MAPK8: variants seen among roughly 807,000 people sequenced by gnomAD.
MAPK8 encodes the protein mitogen-activated protein kinase 8.
MAPK8 carries 13 observed loss-of-function variants against 52.9 expected under a neutral mutation model. The ratio of observed to expected loss-of-function variants is 0.25; its 90% confidence interval spans 0.16 to 0.39. MAPK8 has a LOEUF of 0.39. Ranked by LOEUF, MAPK8 falls within the 10% of genes least tolerant of loss-of-function variation. MAPK8 has a pLI of 1.00. For synonymous variants in MAPK8, 191 were observed against 169.8 expected (o/e 1.12, Z -0.97); for missense variants, 300 against 519.2 (o/e 0.58, Z 4.10).
chr10:48,424,230 A>G (rs972421479), intron 7 of MAPK8, 71 bp downstream of exon 7: 1 of 1,339,180 alleles, frequency 7.5e-7, no homozygotes, highest in Admixed American at 1.8e-5. Context: ...ATGAAAATGA[A>G]TATGCTACAT....
chr10:48,353,871 G>A (rs1223575149), intron 1 of MAPK8, among the ~76,000 whole-genome samples: 1 of 152,174 alleles, frequency 6.6e-6, no homozygotes, highest in East Asian at 1.9e-4. Flanking sequence ...GATTAGGGAT[G>A]GGGTTATGGG....
intron 5 of MAPK8, among the ~76,000 whole-genome samples, chr10:48,412,942 C>T (rs1188201273): frequency 6.6e-6 from 1 of 152,086 alleles, no homozygotes; most frequent in Non-Finnish European, 1.5e-5. Context: ...GACAGTAATT[C>T]CCTATTCTCC....
intron 1 of MAPK8, among the ~76,000 whole-genome samples, chr10:48,380,250 G>A (rs2040916845): frequency 6.6e-6 from 1 of 152,044 alleles, no homozygotes; most frequent in South Asian, 2.1e-4. Context: ...TCAAAAAAAA[G>A]ACATGAGAAT....
At chr10:48,352,390 G>A (rs1378733202) in intron 1 of MAPK8, among the ~76,000 whole-genome samples, 2 of 151,448 alleles carry the variant, frequency 1.3e-5, no homozygotes, top group Non-Finnish European at 2.9e-5. Context: ...ATGTTAATCA[G>A]TATAATCCAA....
chr10:48,338,051 A>G (rs1452095463), intron 1 of MAPK8, among the ~76,000 whole-genome samples: 2 of 152,172 alleles, frequency 1.3e-5, no homozygotes, highest in Non-Finnish European at 2.9e-5. Flanking sequence ...TACTGAAACT[A>G]TTCCAAAAAA....
intron 1 of MAPK8, among the ~76,000 whole-genome samples, chr10:48,388,382 T>C (rs1195764162): frequency 6.6e-6 from 1 of 152,162 alleles, no homozygotes; most frequent in African/African-American, 2.4e-5. Context: ...ACATCACTTT[T>C]AAGATGTTAC....
chr10:48,327,554 C>G (rs1843655439), intron 1 of MAPK8, among the ~76,000 whole-genome samples: 1 of 152,134 alleles, frequency 6.6e-6, no homozygotes, highest in Non-Finnish European at 1.5e-5. Context: ...TCTTTTCTTA[C>G]CATCTCTTTG....
At position 48,438,730 on chromosome 10, in the gene MAPK8, T is replaced by C. The variant is rs567832495; in HGVS notation, c.*3701T>C. On this transcript the variant is annotated 3_prime_UTR_variant, in exon 12 of 12. Transcript: ENST00000374189. The stretch of plus-strand genomic sequence containing the variant: ...TGTGTTAAATACTTTCTAGCCAATG[T>C]TGACACAATACCAGTAAGTATGTAA... 133 of 152,362 alleles carry C rather than the reference T, an allele frequency of 8.7e-4. No homozygotes were observed. The highest frequency in any genetic ancestry group is 3.0e-3 in the African/African-American group (126 of 41,584). 9.4% of individuals were successfully genotyped at this position (152,362 alleles called of 1,614,324 possible).
intron 10 of MAPK8, chr10:48,430,617 T>C (rs1194680318): frequency 6.6e-6 from 1 of 152,658 alleles, no homozygotes; most frequent in East Asian, 1.9e-4. Context: ...GGAGAAATGT[T>C]CTTCGAAGTG....
At chr10:48,342,689 C>G (rs533209512) in intron 1 of MAPK8, among the ~76,000 whole-genome samples, 1 of 152,124 alleles carries the variant, frequency 6.6e-6, no homozygotes, top group Non-Finnish European at 1.5e-5. Context: ...GGAGGAGTAA[C>G]TCCTCAGAGT....
At chr10:48,417,988 C>T (rs2043153796) in intron 5 of MAPK8, among the ~76,000 whole-genome samples, 1 of 152,124 alleles carries the variant, frequency 6.6e-6, no homozygotes, top group Non-Finnish European at 1.5e-5. Context: ...ATATTTTAGG[C>T]TTTGTGGATA....
intron 1 of MAPK8, among the ~76,000 whole-genome samples, chr10:48,315,320 A>G (rs1842386912): frequency 6.6e-6 from 1 of 152,172 alleles, no homozygotes; most frequent in Non-Finnish European, 1.5e-5. Flanking sequence ...CTTTGTATAC[A>G]CTTGTGCAAT....
chr10:48,404,992 A>C lies in MAPK8; in HGVS notation c.252+11A>C, dbSNP rs2042382572. The C allele has an allele frequency of 6.3e-7, 1 of 1,590,906 alleles. No individual in the cohort carries two copies. The highest frequency in any genetic ancestry group is 1.2e-5 in the South Asian group (1 of 86,436). On this transcript the variant is annotated intron_variant, in intron 3 of 11. Transcript: ENST00000374189. ...GTTAATCACAAAAATGTAAGTGAAC[A>C]TTTTTGGTTTCCTAAGTATAGATGA...
chr10:48,327,040 C>T (rs1376380082), intron 1 of MAPK8, among the ~76,000 whole-genome samples: 1 of 152,198 alleles, frequency 6.6e-6, no homozygotes, highest in Non-Finnish European at 1.5e-5. Flanking sequence ...CTTTTCCCCC[C>T]TCCGTCTGCA....
intron 1 of MAPK8, among the ~76,000 whole-genome samples, chr10:48,351,917 T>A (rs995840844): frequency 5.3e-5 from 8 of 152,212 alleles, no homozygotes; most frequent in Non-Finnish European, 1.2e-4. Flanking sequence ...GTTGGTACTC[T>A]TAAAGTTTCA....
In MAPK8 at chr10:48,369,494, G is replaced by A. The variant is rs151284123; in HGVS notation, c.-49-32118G>A. ...TTTGAGATAGCCTCAAGACATCTAAGTGGTAATGATTAGTAGACCCTTGAA... is the reference window on the plus strand; with the variant it reads ...TTTGAGATAGCCTCAAGACATCTAAATGGTAATGATTAGTAGACCCTTGAA... On this transcript the variant is annotated intron_variant, in intron 1 of 11. Transcript: ENST00000374189. Among the ~76,000 whole-genome samples, 369 of 152,298 alleles carry A rather than the reference G, an allele frequency of 2.4e-3. 1 individual carries two copies. Among genetic ancestry groups the A allele is most frequent in the African/African-American group, 8.4e-3 (349 of 41,564 alleles).
intron 1 of MAPK8, among the ~76,000 whole-genome samples, chr10:48,348,006 C>T (rs1845949928): frequency 1.3e-5 from 2 of 152,328 alleles, no homozygotes; most frequent in Admixed American, 6.5e-5. Flanking sequence ...AATTTACACT[C>T]CCACTAACAG....
chr10:48,367,640 C>T (rs1848174260), intron 1 of MAPK8, among the ~76,000 whole-genome samples: 1 of 152,086 alleles, frequency 6.6e-6, no homozygotes, highest in Non-Finnish European at 1.5e-5. Context: ...AGTTGCTTTA[C>T]ATGTTTTATC....
chr10:48,380,067 C>A (rs1411595863), intron 1 of MAPK8, among the ~76,000 whole-genome samples: 1 of 150,970 alleles, frequency 6.6e-6, no homozygotes, highest in Non-Finnish European at 1.5e-5. Context: ...CATGATGAAA[C>A]ACCGTCTTTA....
Sources: gnomAD v4.1 joint callset for allele counts (sites outside exome capture counted in the v4.1 genomes callset) on GRCh38, gnomAD v4.1.1 for gene constraint, MANE v1.5 for transcripts, NCBI Gene and HGNC (gene_info 2026-07-23, HGNC 2026-07-21) for gene names.